The following ABCA7 variants were observed in gnomAD, a reference collection of about 807,000 sequenced individuals.
ABCA7 encodes the protein ATP binding cassette subfamily A member 7.
ABCA7 carries 261 observed loss-of-function variants against 227.6 expected under a neutral mutation model. That is an observed-to-expected ratio of 1.15 (90% confidence interval 1.04 to 1.27). ABCA7 has a LOEUF of 1.27. Among genes scored for constraint, ABCA7 ranks in the 50% most tolerant of loss-of-function variants. The probability of loss-of-function intolerance (pLI) is 0.00; values close to 1 mark genes in which losing one functional copy is unlikely to be tolerated. For missense variants in ABCA7, 3,331 were observed against 2,924.5 expected (o/e 1.14, Z -3.21); for synonymous variants, 1,488 against 1,279.7 (o/e 1.16, Z -3.47).
At chr19:1,064,118 G>C in intron 44 of ABCA7, 43 bp from the exon 45 acceptor site, 1 of 1,510,258 alleles carries the variant, frequency 6.6e-7, no homozygotes. Flanking sequence ...CCAGGCACAG[G>C]TGGCCCCGGC....
In ABCA7 at chr19:1,051,178, G is replaced by A. The variant is rs2041592448; in HGVS notation, c.2708G>A (p.Trp903Ter). 2.5e-6 allele frequency: 4 copies of A among 1,611,310 alleles called. No individual in the cohort carries two copies. Among genetic ancestry groups the A allele is most frequent in the Non-Finnish European group, 3.4e-6 (4 of 1,179,922 alleles). ...FDMLTVDEHV[W>*]FYGRLKGLSA... The stretch of plus-strand genomic sequence containing the variant: ...AGGCTGACCGTGGACGAGCACGTCT[G>A]GTTCTATGGGCGGCTGAAGGGTCTG... The change falls in exon 20 of 47, where the codon TGG (tryptophan) becomes TAG (stop). Residue 903 changes from tryptophan to a stop codon, truncating the protein, a stop_gained. Coordinates refer to ENST00000263094, the MANE Select transcript of ABCA7 (RefSeq NM_019112.4). LOFTEE classifies it high-confidence loss of function.
At chr19:1,051,358 G>C in intron 20 of ABCA7, 64 bp downstream of exon 20, 5 of 1,495,020 alleles carry the variant, frequency 3.3e-6, no homozygotes, top group Non-Finnish European at 4.5e-6. Context: ...CCTGAAGGCA[G>C]GGGGAAGCCG....
rs376666664 is a variant in ABCA7 at position 1,042,871 on chromosome 19, G to A, written c.579+45G>A. Reference sequence around the variant, plus strand: ...CTCAACCCCCATGGAGGCAACGTTGGCAGGCAGCCTGCGCCGGGAGGGTCT... The same window carrying A: ...CTCAACCCCCATGGAGGCAACGTTGACAGGCAGCCTGCGCCGGGAGGGTCT... On this transcript the variant is annotated intron_variant, in intron 7 of 46. Transcript: ENST00000263094. 31 of 1,532,392 alleles carry A rather than the reference G, an allele frequency of 2.0e-5. No individual in the cohort carries two copies. In the African/African-American group the frequency reaches 4.2e-4, roughly 21 times the overall value. The allele number at this position is 1,532,392 out of a possible 1,614,324, so 94.9% of individuals were successfully genotyped here.
rs143718918 is a variant in ABCA7 at position 1,051,007 on chromosome 19, G to A, written c.2639G>A (p.Arg880Gln). The A allele has an allele frequency of 1.1e-3, 1,725 of 1,612,130 alleles. 1 individual carries two copies. The highest frequency in any genetic ancestry group is 1.3e-3 in the Non-Finnish European group (1,532 of 1,179,690). ...GTCCGCTCCAGCATGGCCGCCATCC[G>A]GCCCCACCTGGGCGTCTGTCCTCAG... Reference protein sequence around the residue: ...HDVRSSMAAIRPHLGVCPQYN... With the variant: ...HDVRSSMAAIQPHLGVCPQYN... Residue 880 changes from arginine (R) to glutamine (Q), a missense_variant, in exon 19 of 47, where the codon CGG (arginine) becomes CAG (glutamine). Coordinates refer to ENST00000263094, the MANE Select transcript of ABCA7 (RefSeq NM_019112.4).
At position 1,050,855 on chromosome 19, in the gene ABCA7, ATAGAAGCTCTG is replaced by A. The variant is rs573698659; in HGVS notation, c.2553-63_2553-53del. On this transcript the variant is annotated intron_variant, in intron 18 of 46. Coordinates refer to ENST00000263094, the MANE Select transcript of ABCA7 (RefSeq NM_019112.4). ...AATTTTTTAAAAACAGAAATTAAAA[ATAGAAGCTCTG>A]TAACTGCCAGTGCACTCTGTGAAGG... 1.4e-4 allele frequency: 172 copies of A among 1,264,028 alleles called. 1 individual carries two copies. In the East Asian group the frequency reaches 4.7e-3, roughly 34 times the overall value. The allele number at this position is 1,264,028 out of a possible 1,614,324, so 78.3% of individuals were successfully genotyped here. A position where few individuals can be genotyped will look rare whatever the true frequency, so the allele number is the denominator to read the frequency against.
In ABCA7 at chr19:1,060,208, T is replaced by TATATATATATATATATATATATATATA. The variant is rs1555699222; in HGVS notation, c.5463+1123_5463+1124insATATATATATATATATATATATATATA. ...GCACACATTGCAGTATATATATATA[T>TATATATATATATATATATATATATATA]TTTTTTTTCTTTTTTTTTCTTTTGA... On this transcript the variant is annotated intron_variant, in intron 40 of 46. Coordinates refer to ENST00000263094, the MANE Select transcript of ABCA7 (RefSeq NM_019112.4). Among the ~76,000 whole-genome samples, 12 of 118,748 alleles carry TATATATATATATATATATATATATATA rather than the reference T, an allele frequency of 1.0e-4. 1 individual carries two copies. The highest frequency in any genetic ancestry group is 4.6e-4 in the African/African-American group (12 of 25,996). 77.9% of individuals were successfully genotyped at this position (118,748 alleles called of 152,430 possible).
Position 1,050,879 on chromosome 19 carries a change from C to A in ABCA7, c.2553-42C>A, listed in dbSNP as rs773455605. Reference sequence around the variant, plus strand: ...AATAGAAGCTCTGTAACTGCCAGTGCACTCTGTGAAGGGGGCTACTCTGAG... The same window carrying A: ...AATAGAAGCTCTGTAACTGCCAGTGAACTCTGTGAAGGGGGCTACTCTGAG... On this transcript the variant is annotated intron_variant, in intron 18 of 46. Transcript: ENST00000263094. 8.8e-6 allele frequency: 13 copies of A among 1,471,244 alleles called. No homozygotes were observed. The East Asian group carries it at 3.0e-4, about 34-fold the overall frequency. 91.1% of individuals were successfully genotyped at this position (1,471,244 alleles called of 1,614,324 possible).
intron 40 of ABCA7, among the ~76,000 whole-genome samples, chr19:1,061,498 C>T (rs139087064): frequency 9.9e-4 from 150 of 150,960 alleles, no homozygotes; most frequent in African/African-American, 3.5e-3. Flanking sequence ...AGATCGAGAC[C>T]ATCCTGGCCA....
rs760140441 is a variant in ABCA7, at chr19:1,043,465, A to G, written c.922A>G (p.Met308Val). ...AGATACACCTTTTACCCGGAAGCTC[A>G]TGGCCCAGGTGGGGGCAGCCTGGAT... ...APDTPFTRKL[M>V]AQVNRTFEEL... Residue 308 changes from methionine to valine, a missense_variant, in exon 9 of 47, where the codon ATG becomes GTG. By Grantham distance (21) the Met-to-Val change is conservative. Coordinates refer to ENST00000263094, the MANE Select transcript of ABCA7 (RefSeq NM_019112.4). 3.7e-6 allele frequency: 6 copies of G among 1,603,294 alleles called. No individual in the cohort carries two copies. Among genetic ancestry groups the G allele is most frequent in the African/African-American group, 1.3e-5 (1 of 74,708 alleles).
At chr19:1,046,746 C>A in intron 13 of ABCA7, 56 bp from the exon 14 acceptor site, 1 of 1,475,596 alleles carries the variant, frequency 6.8e-7, no homozygotes, top group South Asian at 1.2e-5. Flanking sequence ...AGATGGTGGG[C>A]GGAGGGGGGG....
intron 11 of ABCA7, 73 bp downstream of exon 11, chr19:1,044,817 T>A: frequency 6.6e-7 from 1 of 1,519,876 alleles, no homozygotes; most frequent in Non-Finnish European, 8.8e-7. Context: ...CCCACCCTGG[T>A]GTTCCCAGGG....
In ABCA7 at chr19:1,056,820, C is replaced by A; in HGVS notation, c.4587-87C>A. The A allele has an allele frequency of 2.1e-6, 3 of 1,438,418 alleles. No homozygotes were observed. The highest frequency in any genetic ancestry group is 2.3e-5 in the East Asian group (1 of 43,672). The allele number at this position is 1,438,418 out of a possible 1,614,324, so 89.1% of individuals were successfully genotyped here. A position where few individuals can be genotyped will look rare whatever the true frequency, so the allele number is the denominator to read the frequency against. On this transcript the variant is annotated intron_variant, in intron 33 of 46. Coordinates refer to ENST00000263094, the MANE Select transcript of ABCA7 (RefSeq NM_019112.4). This position sits in a 1 kb window ranked among gnomAD's most constrained non-coding sequence, Gnocchi z 4.3. Reference sequence around the variant, plus strand: ...TGCCACTGCTGACTGCCCCATAGACCTTTGTCCCATCAATGGCGTGTTCAG... The same window carrying A: ...TGCCACTGCTGACTGCCCCATAGACATTTGTCCCATCAATGGCGTGTTCAG...
At position 1,044,026 on chromosome 19, in the gene ABCA7, C is replaced by T. The variant is rs2040340975; in HGVS notation, c.1047+185C>T. ...GATCTCGACTCACTGCAACCTCCAC[C>T]TCCCGGGTTCAAGCGATTCTCCTGT... On this transcript the variant is annotated intron_variant, in intron 10 of 46. Coordinates refer to ENST00000263094, the MANE Select transcript of ABCA7 (RefSeq NM_019112.4). Among the ~76,000 whole-genome samples the T allele has an allele frequency of 2.6e-5, 4 of 151,266 alleles. No individual in the cohort carries two copies. The South Asian group carries it at 8.4e-4, about 32-fold the overall frequency.
At chr19:1,060,190 T>C (rs149192345) in intron 40 of ABCA7, among the ~76,000 whole-genome samples, 4 of 141,148 alleles carry the variant, frequency 2.8e-5, no homozygotes, top group Non-Finnish European at 5.9e-5. Flanking sequence ...TTAGCACACA[T>C]TGCAGTATAT....
At chr19:1,059,753 A>G (rs1337765356) in intron 40 of ABCA7, among the ~76,000 whole-genome samples, 2 of 139,556 alleles carry the variant, frequency 1.4e-5, no homozygotes, top group Non-Finnish European at 3.1e-5. Context: ...TAGTAGAGAC[A>G]GGGCTTCACC....
rs1281759867 is a variant in ABCA7, at chr19:1,041,314, C to A, written c.-48C>A. On this transcript the variant is annotated 5_prime_UTR_variant, in exon 2 of 47. Transcript: ENST00000263094. ...CGCAGCCGCACCGCACGTCTTCAGC[C>A]CGACCGTTGTCCTGACCTCTCTGTC... The A allele has an allele frequency of 2.5e-6, 4 of 1,601,286 alleles. No homozygotes were observed. The South Asian group carries it at 4.4e-5, about 18-fold the overall frequency.
At chr19:1,047,682 C>T (rs1165081747) in intron 16 of ABCA7, 28 bp downstream of exon 16, 1 of 1,553,898 alleles carries the variant, frequency 6.4e-7, no homozygotes, top group African/African-American at 1.4e-5. Flanking sequence ...GGGCTCCGGG[C>T]CGGGTCGCAC....
At position 1,041,054 on chromosome 19, in the gene ABCA7, G is replaced by A. The variant is rs945251450; in HGVS notation, c.-137-171G>A. ...TTAAGCCCAAACTCGGTCCCTGGAGGATTAGAGGATGATCTTTAAGTCCCC... is the reference window on the plus strand; with the variant it reads ...TTAAGCCCAAACTCGGTCCCTGGAGAATTAGAGGATGATCTTTAAGTCCCC... On this transcript the variant is annotated intron_variant, in intron 1 of 46. Transcript: ENST00000263094. 29 of 470,268 alleles carry A rather than the reference G, an allele frequency of 6.2e-5. No homozygotes were observed. The Middle Eastern group carries it at 2.4e-3, about 39-fold the overall frequency. 29.1% of individuals were successfully genotyped at this position (470,268 alleles called of 1,614,324 possible). A position where few individuals can be genotyped will look rare whatever the true frequency, so the allele number is the denominator to read the frequency against.
Position 1,054,327 on chromosome 19 carries a change from G to A in ABCA7, c.3712G>A (p.Gly1238Ser), listed in dbSNP as rs200733032. Residue 1238 changes from glycine (G) to serine (S), a missense_variant, in exon 27 of 47, where the codon GGC (glycine) becomes AGC (serine). Transcript: ENST00000263094. This position sits in a 1 kb window ranked among gnomAD's most constrained non-coding sequence, Gnocchi z 4.8. ...RFLLARRSRR[G>S]LFAQIVLPAL... is the part of the protein sequence containing the mutation. ...TCTGCTTGCCCGCCGCAGCCGCCGC[G>A]GCCTGTTCGCCCAGGTGAGGAGGGC... 89 of 1,599,368 alleles carry A rather than the reference G, an allele frequency of 5.6e-5. No individual in the cohort carries two copies. The highest frequency in any genetic ancestry group is 3.8e-4 in the East Asian group (17 of 44,830).
Sources: allele counts gnomAD v4.1 joint callset (sites outside exome capture counted in the v4.1 genomes callset), GRCh38; gene constraint gnomAD v4.1.1; non-coding constraint Gnocchi (gnomAD v3.1); transcripts MANE v1.5; gene names NCBI Gene and HGNC (gene_info 2026-07-23, HGNC 2026-07-21).